LYST: variants seen among roughly 807,000 people sequenced by gnomAD.
The protein encoded by LYST is lysosomal-trafficking regulator.
Under a neutral mutation model 413.6 loss-of-function variants are expected in LYST, and 192 were observed. The observed-to-expected ratio is 0.46, with a 90% CI of 0.41 to 0.52. The LOEUF (loss-of-function observed/expected upper bound fraction) is 0.52, where lower values mean the gene tolerates loss of function less well. LYST is among the 20% of genes least tolerant of loss of function. The probability of loss-of-function intolerance (pLI) is 0.00; values close to 1 mark genes in which losing one functional copy is unlikely to be tolerated. For missense variants in LYST, 3,815 were observed against 4,499.9 expected (o/e 0.85, Z 4.35); for synonymous variants, 1,525 against 1,567.3 (o/e 0.97, Z 0.64).
At chr1:235,678,122 G>A (rs1018205858) in intron 48 of LYST, among the ~76,000 whole-genome samples, 5 of 149,874 alleles carry the variant, frequency 3.3e-5, no homozygotes, top group African/African-American at 1.3e-4. Flanking sequence ...AGACCTTTGG[G>A]AAATAAATAA....
At chr1:235,770,071 C>T in intron 20 of LYST, 89 bp downstream of exon 20, 2 of 1,214,674 alleles carry the variant, frequency 1.6e-6, no homozygotes, top group South Asian at 1.3e-5. Flanking sequence ...AAAAAAGTCC[C>T]ATTGAAAGTG....
intron 5 of LYST, among the ~76,000 whole-genome samples, chr1:235,808,183 A>C (rs1354056596): frequency 6.6e-6 from 1 of 152,196 alleles, no homozygotes; most frequent in African/African-American, 2.4e-5. Flanking sequence ...CCTCTTCTCT[A>C]TAAACAGCTC....
chr1:235,716,165 C>T (rs1008191185), intron 41 of LYST, among the ~76,000 whole-genome samples: 2 of 152,176 alleles, frequency 1.3e-5, no homozygotes, highest in African/African-American at 4.8e-5. Context: ...GTTTCAGTTG[C>T]TCCTGTCTTG....
intron 14 of LYST, among the ~76,000 whole-genome samples, chr1:235,783,607 C>A (rs1166458773): frequency 6.6e-6 from 1 of 151,816 alleles, no homozygotes; most frequent in African/African-American, 2.4e-5. Context: ...ATGTAACAAA[C>A]CTGCACGTTC....
chr1:235,754,141 G>C (rs1392903499), intron 25 of LYST, among the ~76,000 whole-genome samples: 1 of 151,904 alleles, frequency 6.6e-6, no homozygotes, highest in African/African-American at 2.4e-5. Flanking sequence ...TGACCTGAAG[G>C]CTCTGAGGAG....
intron 44 of LYST, among the ~76,000 whole-genome samples, chr1:235,706,251 G>A (rs913591982): frequency 8.5e-5 from 13 of 152,252 alleles, no homozygotes; most frequent in African/African-American, 1.2e-4. Flanking sequence ...GCATGTGCAC[G>A]AAGGACTTTT....
intron 9 of LYST, among the ~76,000 whole-genome samples, chr1:235,800,629 T>C (rs149542245): frequency 7.5e-4 from 114 of 152,324 alleles, no homozygotes; most frequent in African/African-American, 2.6e-3. Context: ...TATTACCCAG[T>C]CTCAGAAATA....
rs934535787 is a variant in LYST, at chr1:235,661,179, GAATA to G, written c.*1757_*1760del. 9 of 152,612 alleles carry G rather than the reference GAATA, an allele frequency of 5.9e-5. No homozygotes were observed. The highest frequency in any genetic ancestry group is 1.9e-4 in the African/African-American group (8 of 41,524). 9.5% of individuals were successfully genotyped at this position (152,612 alleles called of 1,614,324 possible). ...ACATATACATATTAGGTTTCATGCT[GAATA>G]AATAATCCCCCCAAATTAATTTTTA... On this transcript the variant is annotated 3_prime_UTR_variant, in exon 53 of 53. Coordinates refer to ENST00000389793, the MANE Select transcript of LYST (RefSeq NM_000081.4).
At chr1:235,840,198 T>C (rs1274087965) in intron 1 of LYST, 1 of 152,182 alleles carries the variant, frequency 6.6e-6, no homozygotes, top group Non-Finnish European at 1.5e-5. Context: ...CAAATCAATA[T>C]ATAGGGTACT....
intron 1 of LYST, among the ~76,000 whole-genome samples, chr1:235,849,412 A>G (rs1678264446): frequency 6.6e-6 from 1 of 152,150 alleles, no homozygotes; most frequent in South Asian, 2.1e-4. Flanking sequence ...CCAACATAAT[A>G]CTGAATGGGG....
chr1:235,858,566 C>A lies in LYST; in HGVS notation c.-98+8277G>T, dbSNP rs577758365. 1.3e-4 allele frequency among the ~76,000 whole-genome samples: 20 copies of A among 152,268 alleles called. No individual in the cohort carries two copies. The South Asian group carries it at 4.1e-3, about 32-fold the overall frequency. On this transcript the variant is annotated intron_variant, in intron 1 of 52. Coordinates refer to ENST00000389793, the MANE Select transcript of LYST (RefSeq NM_000081.4). ...TACTCTTTTATTTCCATTAATCCTG[C>A]ACTTGACTCATTTAGATTCTTCATC...
intron 31 of LYST, among the ~76,000 whole-genome samples, chr1:235,739,835 A>G (rs1451727429): frequency 6.6e-6 from 1 of 152,192 alleles, no homozygotes; most frequent in Non-Finnish European, 1.5e-5. Flanking sequence ...TGAATAAACA[A>G]CTGGCCTTGG....
intron 44 of LYST, among the ~76,000 whole-genome samples, chr1:235,707,559 G>A (rs1341617240): frequency 2.0e-5 from 3 of 152,100 alleles, no homozygotes; most frequent in Non-Finnish European, 4.4e-5. Context: ...GGAGGTGGAG[G>A]TTGCAGTGAG....
At chr1:235,801,206 C>T (rs1442719251) in intron 8 of LYST, 109 bp from the exon 9 acceptor site, 6 of 740,890 alleles carry the variant, frequency 8.1e-6, no homozygotes, top group Admixed American at 4.3e-5. Flanking sequence ...TCAGAGGATG[C>T]TTACAAAACC....
At chr1:235,755,393 G>GAAAAC in intron 25 of LYST, 85 bp downstream of exon 25, 1 of 388,508 alleles carries the variant, frequency 2.6e-6, no homozygotes, top group Non-Finnish European at 4.3e-6. Context: ...CGTCTCAAAA[G>GAAAAC]AAAAGAAAAG....
chr1:235,717,707 CT>C (rs57348366), intron 40 of LYST, among the ~76,000 whole-genome samples: 227 of 147,004 alleles, frequency 1.5e-3, no homozygotes, highest in Admixed American at 2.6e-3. Context: ...GTTGATACAT[CT>C]TTTTTTTTTT....
At chr1:235,705,446 C>T (rs1389248986) in intron 44 of LYST, among the ~76,000 whole-genome samples, 1 of 151,990 alleles carries the variant, frequency 6.6e-6, no homozygotes, top group Non-Finnish European at 1.5e-5. Flanking sequence ...AATGCAGTGG[C>T]ACGATCATGG....
intron 4 of LYST, 22 bp from the exon 5 acceptor site, chr1:235,810,556 G>A (rs369338837): frequency 5.6e-6 from 9 of 1,599,510 alleles, no homozygotes; most frequent in Non-Finnish European, 7.7e-6. Flanking sequence ...AAAAAAGAAG[G>A]CTTAGAATAC....
chr1:235,771,191 A>C (rs1055796815), intron 19 of LYST, among the ~76,000 whole-genome samples: 8 of 152,220 alleles, frequency 5.3e-5, no homozygotes, highest in Non-Finnish European at 1.2e-4. Context: ...CAAGGCAGCC[A>C]AAGTATGAAA....
Sources: gnomAD v4.1 joint callset for allele counts (sites outside exome capture counted in the v4.1 genomes callset) on GRCh38, gnomAD v4.1.1 for gene constraint, MANE v1.5 for transcripts, NCBI Gene and HGNC (gene_info 2026-07-23, HGNC 2026-07-21) for gene names.